Variants in ABCA9 observed in about 807,000 individuals in gnomAD.
ABCA9 encodes the protein ATP binding cassette subfamily A member 9, also known as ATP-binding cassette sub-family A member 9.
ABCA9 carries 183 observed loss-of-function variants against 205.3 expected under a neutral mutation model. The observed-to-expected ratio is 0.89, with a 90% confidence interval of 0.79 to 1.01. The LOEUF is 1.01. Among genes scored for constraint, ABCA9 ranks in the 50% least tolerant of loss-of-function variants. ABCA9 has a pLI of 0.00. For synonymous variants in ABCA9, 651 were observed against 683.3 expected (o/e 0.95, Z 0.74); for missense variants, 1,805 against 1,912.4 (o/e 0.94, Z 1.05).
At chr17:68,987,851 C>T (rs2069296379) in intron 31 of ABCA9, among the ~76,000 whole-genome samples, 1 of 151,886 alleles carries the variant, frequency 6.6e-6, no homozygotes, top group African/African-American at 2.4e-5. Flanking sequence ...ACCTTGGCCT[C>T]CCGGCCGGGT....
At chr17:69,046,341 A>C (rs972412196) in intron 3 of ABCA9, among the ~76,000 whole-genome samples, 1 of 152,126 alleles carries the variant, frequency 6.6e-6, no homozygotes, top group Admixed American at 6.6e-5. Context: ...TGTCCTCGGT[A>C]TTTCCTACAA....
chr17:69,039,393 A>G (rs1196589692), intron 6 of ABCA9, among the ~76,000 whole-genome samples: 1 of 152,094 alleles, frequency 6.6e-6, no homozygotes, highest in Non-Finnish European at 1.5e-5. Flanking sequence ...GCCCTCAGAA[A>G]TAACACTGCA....
intron 32 of ABCA9, among the ~76,000 whole-genome samples, chr17:68,985,866 A>G (rs1598332405): frequency 6.6e-6 from 1 of 152,168 alleles, no homozygotes; most frequent in Admixed American, 6.5e-5. Flanking sequence ...CTGAGGCACA[A>G]GAATCGCTTG....
intron 25 of ABCA9, among the ~76,000 whole-genome samples, chr17:68,999,541 G>C (rs1464370888): frequency 9.3e-5 from 13 of 140,250 alleles, no homozygotes; most frequent in South Asian, 2.5e-4. Flanking sequence ...GGACATTTGG[G>C]TTGGTTCCAA....
chr17:69,065,413 G>A (rs1203560870), upstream of ABCA9, among the ~76,000 whole-genome samples: 2 of 152,016 alleles, frequency 1.3e-5, no homozygotes, highest in Non-Finnish European at 2.9e-5. Flanking sequence ...GAATTTTTAT[G>A]ATATCATTCC....
chr17:68,988,848 T>C (rs1408383808), intron 31 of ABCA9, among the ~76,000 whole-genome samples, 179 bp downstream of exon 31: 2 of 152,256 alleles, frequency 1.3e-5, no homozygotes, highest in Non-Finnish European at 2.9e-5. Flanking sequence ...ATATATGATA[T>C]GTAGCCCTTC....
At chr17:68,980,749 C>G (rs1178846333) in intron 37 of ABCA9, among the ~76,000 whole-genome samples, 1 of 121,066 alleles carries the variant, frequency 8.3e-6, no homozygotes, top group Non-Finnish European at 1.6e-5. Context: ...GAACATCACA[C>G]ACCAAGGCCT....
chr17:69,033,324 G>GAAAAAAA (rs1567960119), intron 9 of ABCA9: 1 of 111,034 alleles, frequency 9.0e-6, no homozygotes, highest in Admixed American at 1.0e-4. Flanking sequence ...AAAAAAAAAG[G>GAAAAAAA]AAAGAAAGAA....
At chr17:69,066,634 A>G in the ABCA9 span, among the ~76,000 whole-genome samples, 2 of 152,098 alleles carry the variant, frequency 1.3e-5, no homozygotes, top group Non-Finnish European at 2.9e-5. Context: ...TGTCACAAGA[A>G]AAAAAGGAAG....
In ABCA9 at chr17:68,983,661, T is replaced by A. The variant is rs199761995; in HGVS notation, c.4640+48A>T. 10 of 1,601,294 alleles carry A rather than the reference T, an allele frequency of 6.2e-6. No individual in the cohort carries two copies. In the African/African-American group the frequency reaches 1.2e-4, roughly 19 times the overall value. ...TTATTCCGTCATCATAGCAGAAATA[T>A]GGAAACAAAAACCAAGGACTGTGAT... On this transcript the variant is annotated intron_variant, in intron 36 of 38. Coordinates refer to ENST00000340001, the MANE Select transcript of ABCA9 (RefSeq NM_080283.4).
chr17:68,984,045 C>A lies in ABCA9; in HGVS notation c.4499+11G>T, dbSNP rs755900080. On this transcript the variant is annotated intron_variant, in intron 35 of 38. Transcript: ENST00000340001. ...CCTAGGGGCTGAGCGCCGGCTTGGA[C>A]AGGCACTCACCTCAGCCTTCCTGAC... The A allele has an allele frequency of 3.8e-5, 62 of 1,613,908 alleles. No homozygotes were observed. The highest frequency in any genetic ancestry group is 4.3e-5 in the Non-Finnish European group (51 of 1,179,958).
chr17:69,022,835 G>A (rs2070867708), intron 17 of ABCA9, among the ~76,000 whole-genome samples: 1 of 152,140 alleles, frequency 6.6e-6, no homozygotes, highest in African/African-American at 2.4e-5. Flanking sequence ...ATAAATTAAA[G>A]ACTTCAATCT....
intron 37 of ABCA9, among the ~76,000 whole-genome samples, chr17:68,976,882 T>A (rs1266240946): frequency 6.6e-6 from 1 of 152,220 alleles, no homozygotes; most frequent in Non-Finnish European, 1.5e-5. Context: ...GACTGAGACC[T>A]CAACCATGTA....
chr17:68,986,338 G>A lies in ABCA9; in HGVS notation c.4048-14C>T. On this transcript the variant is annotated splice_polypyrimidine_tract_variant and intron_variant, in intron 31 of 38. Transcript: ENST00000340001. ...TTTCAAAATCACCTATGCAAAATAAGTTCATTCTTAGATTCTATCCCAAAT... is the reference window on the plus strand; with the variant it reads ...TTTCAAAATCACCTATGCAAAATAAATTCATTCTTAGATTCTATCCCAAAT... The A allele has an allele frequency of 1.3e-6, 2 of 1,597,590 alleles. No individual in the cohort carries two copies. The highest frequency in any genetic ancestry group is 1.7e-6 in the Non-Finnish European group (2 of 1,172,090).
At chr17:69,013,333 T>G (rs1312450694) in intron 22 of ABCA9, among the ~76,000 whole-genome samples, 1 of 152,140 alleles carries the variant, frequency 6.6e-6, no homozygotes, top group Admixed American at 6.5e-5. Context: ...AGTTTTGAAG[T>G]TTCTTTACTT....
chr17:69,045,218 A>G lies in ABCA9; in HGVS notation c.423T>C (p.Ser141=). The G allele has an allele frequency of 4.3e-6, 7 of 1,613,352 alleles. No individual in the cohort carries two copies. The highest frequency in any genetic ancestry group is 5.9e-6 in the Non-Finnish European group (7 of 1,179,624). The change falls in exon 4 of 39, where the codon TCT becomes TCC. Residue 141 remains serine, a synonymous_variant. Transcript: ENST00000340001. ...TDTFSYHLKF[S]WGHRIPMMKE... is the part of the protein sequence containing the mutation. ...TCATCATGGGGATTCTATGTCCCCA[A>G]GAAAACTTCAAATGGTAGGAGAAGG... is the stretch of plus-strand genomic sequence containing the variant.
At chr17:69,021,717 C>A in intron 18 of ABCA9, 25 bp downstream of exon 18, 1 of 1,415,866 alleles carries the variant, frequency 7.1e-7, no homozygotes, top group South Asian at 1.3e-5. Context: ...TTCTCCCTTT[C>A]TTTCTCTTTC....
Position 68,983,734 on chromosome 17 carries a change from A to G in ABCA9, c.4615T>C (p.Phe1539Leu). The G allele has an allele frequency of 6.2e-7, 1 of 1,614,196 alleles. No homozygotes were observed. The highest frequency in any genetic ancestry group is 1.7e-4 in the Middle Eastern group (1 of 6,058). Residue 1539 changes from phenylalanine (F) to leucine (L), a missense_variant, in exon 36 of 39, where the codon TTC becomes CTC. Phe to Leu is a conservative substitution (Grantham distance 22). Coordinates refer to ENST00000340001, the MANE Select transcript of ABCA9 (RefSeq NM_080283.4). ...EPLHAEILRL[F>L]PQAAQQERFS... The stretch of plus-strand genomic sequence containing the variant: ...CTTTCCTGCTGAGCAGCCTGGGGGA[A>G]AAGCCTCAGGATCTCTGCATGGAGG...
chr17:69,047,882 C>A (rs2071773047), intron 3 of ABCA9, among the ~76,000 whole-genome samples: 1 of 152,172 alleles, frequency 6.6e-6, no homozygotes, highest in Admixed American at 6.5e-5. Flanking sequence ...GTGGCTCAGC[C>A]TCTGGATATT....
Sources: allele counts gnomAD v4.1 joint callset (sites outside exome capture counted in the v4.1 genomes callset), GRCh38; gene constraint gnomAD v4.1.1; transcripts MANE v1.5; gene names NCBI Gene and HGNC (gene_info 2026-07-23, HGNC 2026-07-21).